Variants in DENND5B observed in about 807,000 individuals in gnomAD.
DENND5B encodes DENN domain containing 5B.
A neutral mutation model predicts 140.6 loss-of-function variants in DENND5B; 34 were observed. The observed-to-expected ratio is 0.24, with a 90% CI of 0.18 to 0.32. DENND5B has a LOEUF of 0.32. Ranked by LOEUF, DENND5B falls within the 10% of genes least tolerant of loss-of-function variation. The pLI is 1.00. For missense variants in DENND5B, 1,142 were observed against 1,560.2 expected (o/e 0.73, Z 4.52); for synonymous variants, 551 against 562.1 (o/e 0.98, Z 0.28).
intron 7 of DENND5B, among the ~76,000 whole-genome samples, chr12:31,439,900 G>C (rs999627758): frequency 1.0e-4 from 13 of 126,542 alleles, no homozygotes; most frequent in African/African-American, 3.7e-4. Context: ...ATTGCACTCT[G>C]GCCTGGGCAA....
At chr12:31,432,725 T>C (rs1272393963) in intron 8 of DENND5B, 1 of 153,572 alleles carries the variant, frequency 6.5e-6, no homozygotes, top group Non-Finnish European at 1.4e-5. Flanking sequence ...TTCAAAAATA[T>C]AAAGTAGATT....
At chr12:31,559,078 C>A (rs914307732) in intron 1 of DENND5B, among the ~76,000 whole-genome samples, 1 of 152,118 alleles carries the variant, frequency 6.6e-6, no homozygotes, top group Non-Finnish European at 1.5e-5. Context: ...TAAGTTCTAA[C>A]CCCAGATGAA....
intron 3 of DENND5B, among the ~76,000 whole-genome samples, chr12:31,464,026 A>G (rs908929987): frequency 1.3e-5 from 2 of 152,246 alleles, no homozygotes; most frequent in Non-Finnish European, 2.9e-5. Flanking sequence ...TTTTAACTGA[A>G]TCAAGAAATA....
chr12:31,522,524 A>G (rs1357153632), intron 1 of DENND5B, among the ~76,000 whole-genome samples: 3 of 152,092 alleles, frequency 2.0e-5, no homozygotes. Flanking sequence ...GCTCACTGCA[A>G]CCTCTGCCTC....
intron 2 of DENND5B, among the ~76,000 whole-genome samples, chr12:31,486,424 A>G (rs1946310095): frequency 6.6e-6 from 1 of 152,238 alleles, no homozygotes; most frequent in South Asian, 2.1e-4. Context: ...TAAGTTACTC[A>G]GTCTGAAGTA....
At chr12:31,402,261 A>C (rs1322009850) in intron 15 of DENND5B, among the ~76,000 whole-genome samples, 1 of 152,142 alleles carries the variant, frequency 6.6e-6, no homozygotes, top group East Asian at 1.9e-4. Context: ...GAAGACCTAG[A>C]AAGCCCCAAA....
chr12:31,413,503 G>C lies in DENND5B; in HGVS notation c.2614C>G (p.Leu872Val). Residue 872 changes from leucine (L) to valine (V), a missense_variant, in exon 13 of 21, where the codon CTG becomes GTG. Around this residue, in one of 5 missense-constraint regions of DENND5B, gnomAD observed 268 missense variants for 349.2 expected, o/e 0.77. Coordinates refer to ENST00000389082, the MANE Select transcript of DENND5B (RefSeq NM_144973.4). ...DVGRARAWIR[L>V]SLEKKLLSQH... ...GACAAGAGCTTCTTTTCTAGAGACA[G>C]TCTTATCCACGCCCGAGCTCGTCCA... The C allele has an allele frequency of 1.9e-6, 3 of 1,613,850 alleles. No homozygotes were observed. The highest frequency in any genetic ancestry group is 2.5e-6 in the Non-Finnish European group (3 of 1,179,826).
At chr12:31,540,062 C>T (rs1948634479) in intron 1 of DENND5B, among the ~76,000 whole-genome samples, 1 of 152,114 alleles carries the variant, frequency 6.6e-6, no homozygotes, top group East Asian at 1.9e-4. Flanking sequence ...AAAAATCTAG[C>T]ATTTCTATAG....
chr12:31,460,397 A>G lies in DENND5B; in HGVS notation c.905-16T>C. 6.2e-7 allele frequency: 1 copy of G among 1,603,642 alleles called. No individual in the cohort carries two copies. The highest frequency in any genetic ancestry group is 8.5e-7 in the Non-Finnish European group (1 of 1,172,690). On this transcript the variant is annotated splice_polypyrimidine_tract_variant and intron_variant, in intron 3 of 20. Transcript: ENST00000389082. ...CGTTGATAATCTGCACAGAACAAGGAAAAAGGAAAGGGAAGAGTCCAAGTA... is the reference window on the plus strand; with the variant it reads ...CGTTGATAATCTGCACAGAACAAGGGAAAAGGAAAGGGAAGAGTCCAAGTA...
At chr12:31,571,063 A>C (rs2139397407) in intron 1 of DENND5B, among the ~76,000 whole-genome samples, 1 of 152,176 alleles carries the variant, frequency 6.6e-6, no homozygotes, top group East Asian at 1.9e-4. Context: ...CTGATCATGA[A>C]ATGTTTACAT....
At chr12:31,414,307 T>A (rs1436533754) in intron 12 of DENND5B, among the ~76,000 whole-genome samples, 1 of 152,186 alleles carries the variant, frequency 6.6e-6, no homozygotes, top group African/African-American at 2.4e-5. Context: ...GCCTTCCTCA[T>A]TCAATAAATC....
intron 1 of DENND5B, among the ~76,000 whole-genome samples, chr12:31,557,868 T>C (rs1193934352): frequency 2.3e-5 from 3 of 128,706 alleles, no homozygotes; most frequent in African/African-American, 8.5e-5. Flanking sequence ...TTTAGCCACA[T>C]CAAAACCAAT....
At chr12:31,534,377 A>C (rs975171081) in intron 1 of DENND5B, among the ~76,000 whole-genome samples, 3 of 152,012 alleles carry the variant, frequency 2.0e-5, no homozygotes, top group South Asian at 2.1e-4. Context: ...ACAGGGTTTC[A>C]CCATGTTGGC....
intron 19 of DENND5B, among the ~76,000 whole-genome samples, chr12:31,390,290 G>C (rs1941059287): frequency 6.6e-6 from 1 of 152,194 alleles, no homozygotes; most frequent in East Asian, 1.9e-4. Flanking sequence ...CTGAGCACTT[G>C]AAATGTGGCC....
chr12:31,406,131 C>A (rs556427927), intron 14 of DENND5B, among the ~76,000 whole-genome samples: 44 of 152,098 alleles, frequency 2.9e-4, no homozygotes, highest in African/African-American at 1.0e-3. Context: ...CAGGTGTGAG[C>A]CACCATGCCC....
At position 31,460,392 on chromosome 12, in the gene DENND5B, C is replaced by A. The variant is rs1346190785; in HGVS notation, c.905-11G>T. 2 of 1,604,906 alleles carry A rather than the reference C, an allele frequency of 1.2e-6. No homozygotes were observed. Among genetic ancestry groups the A allele is most frequent in the Admixed American group, 1.7e-5 (1 of 59,050 alleles). ...TCAGGCGTTGATAATCTGCACAGAA[C>A]AAGGAAAAAGGAAAGGGAAGAGTCC... On this transcript the variant is annotated splice_polypyrimidine_tract_variant and intron_variant, in intron 3 of 20. Coordinates refer to ENST00000389082, the MANE Select transcript of DENND5B (RefSeq NM_144973.4).
At position 31,401,326 on chromosome 12, in the gene DENND5B, T is replaced by C. The variant is rs569474345; in HGVS notation, c.2949+1172A>G. Among the ~76,000 whole-genome samples the C allele has an allele frequency of 6.4e-4, 98 of 152,202 alleles. 1 individual carries two copies. The South Asian group carries it at 0.013, about 20-fold the overall frequency. On this transcript the variant is annotated intron_variant, in intron 15 of 20. Coordinates refer to ENST00000389082, the MANE Select transcript of DENND5B (RefSeq NM_144973.4). ...GGGTTTTAATGTACTTTCATTATTG[T>C]TAGATGAAGAAAAGCCAAGGGTTTT...
In DENND5B at chr12:31,507,476, C is replaced by T. The variant is rs147414616; in HGVS notation, c.128-11557G>A. Among the ~76,000 whole-genome samples the T allele has an allele frequency of 1.2e-4, 19 of 152,230 alleles. No individual in the cohort carries two copies. In the East Asian group the frequency reaches 2.9e-3, roughly 23 times the overall value. On this transcript the variant is annotated intron_variant, in intron 1 of 20. Transcript: ENST00000389082. ...GTTTTAGGTGCTGTGCAGCTTACCA[C>T]CAATCAAAGAACACAACAGCAGATT...
At chr12:31,552,953 TTTC>T (rs1161972234) in intron 1 of DENND5B, among the ~76,000 whole-genome samples, 5 of 151,344 alleles carry the variant, frequency 3.3e-5, no homozygotes, top group African/African-American at 4.8e-5. Context: ...TGATTCTTCT[TTTC>T]TTCTTTACTA....
Sources: gnomAD v4.1 joint callset for allele counts (sites outside exome capture counted in the v4.1 genomes callset) on GRCh38, gnomAD v4.1.1 for gene constraint, gnomAD v4.1.1 regional missense constraint, MANE v1.5 for transcripts, NCBI Gene and HGNC (gene_info 2026-07-23, HGNC 2026-07-21) for gene names.